The following TNRC6B variants were observed in gnomAD, a reference collection of about 807,000 sequenced individuals.
TNRC6B encodes trinucleotide repeat-containing gene 6B protein.
Under a neutral mutation model 203.6 loss-of-function variants are expected in TNRC6B, and 52 were observed. The observed-to-expected ratio is 0.26, with a 90% CI of 0.20 to 0.32. The LOEUF (loss-of-function observed/expected upper bound fraction) is 0.32. TNRC6B is among the 10% of genes least tolerant of loss of function. The probability of loss-of-function intolerance (pLI) is 1.00; values close to 1 mark genes in which losing one functional copy is unlikely to be tolerated. For missense variants in TNRC6B, 1,923 were observed against 2,286.2 expected (o/e 0.84, Z 3.24); for synonymous variants, 838 against 845.7 (o/e 0.99, Z 0.16).
intron 3 of TNRC6B, among the ~76,000 whole-genome samples, chr22:40,146,666 TCTC>T (rs2068698269): frequency 6.6e-6 from 1 of 151,388 alleles, no homozygotes; most frequent in Non-Finnish European, 1.5e-5. Context: ...CCCTAGCAGT[TCTC>T]CTACCTCAGC....
intron 4 of TNRC6B, among the ~76,000 whole-genome samples, chr22:40,167,143 G>A (rs2068927038): frequency 6.6e-6 from 1 of 152,218 alleles, no homozygotes; most frequent in Middle Eastern, 3.4e-3. Context: ...GTACATTGAT[G>A]GTTAACATTA....
chr22:40,050,423 A>G (rs1194165665), intron 1 of TNRC6B, among the ~76,000 whole-genome samples: 1 of 152,000 alleles, frequency 6.6e-6, no homozygotes, highest in Non-Finnish European at 1.5e-5. Flanking sequence ...AGTTCCTCAA[A>G]TTGCCCAAGC....
chr22:40,156,150 C>G (rs1485725489), exon 4 of TNRC6B: 5 of 1,581,126 alleles, frequency 3.2e-6, no homozygotes, highest in Non-Finnish European at 4.3e-6. Context: ...AAGGGCATGG[C>G]AAGACTCCAC....
Position 40,333,047 on chromosome 22 carries a change from T to C in TNRC6B, c.*9806T>C, listed in dbSNP as rs1283339916. ...CCCACACAGTGACAGCAGACCAGTA[T>C]GTAAACCCTGTCTTGGCTGGGCGCG... On this transcript the variant is annotated 3_prime_UTR_variant, in exon 23 of 23. Coordinates refer to ENST00000454349, the MANE Select transcript of TNRC6B (RefSeq NM_001162501.2). The C allele has an allele frequency of 6.6e-6, 1 of 152,256 alleles. No homozygotes were observed. Among genetic ancestry groups the C allele is most frequent in the Non-Finnish European group, 1.5e-5 (1 of 68,082 alleles). 9.4% of individuals were successfully genotyped at this position (152,256 alleles called of 1,614,324 possible).
At chr22:40,162,471 T>C (rs2068879553) in intron 4 of TNRC6B, among the ~76,000 whole-genome samples, 1 of 152,214 alleles carries the variant, frequency 6.6e-6, no homozygotes, top group African/African-American at 2.4e-5. Context: ...TTTTGGGTGT[T>C]TATTTAAAAA....
At chr22:40,299,306 C>T (rs2070991283) in intron 12 of TNRC6B, among the ~76,000 whole-genome samples, 1 of 149,742 alleles carries the variant, frequency 6.7e-6, no homozygotes, top group Non-Finnish European at 1.5e-5. Context: ...ATGGCACCAT[C>T]TTGGCTCACC....
chr22:40,082,448 A>G (rs2068070142), intron 1 of TNRC6B, among the ~76,000 whole-genome samples: 1 of 152,218 alleles, frequency 6.6e-6, no homozygotes, highest in Non-Finnish European at 1.5e-5. Flanking sequence ...GGGCTGTATT[A>G]GAGTGAGGAA....
chr22:40,217,064 A>T (rs985028465), intron 1 of TNRC6B, among the ~76,000 whole-genome samples: 2 of 151,936 alleles, frequency 1.3e-5, no homozygotes, highest in Non-Finnish European at 2.9e-5. Flanking sequence ...CCTTTCCTCT[A>T]AGTCATCTGC....
intron 1 of TNRC6B, among the ~76,000 whole-genome samples, chr22:40,226,958 G>GTA (rs1474839737): frequency 6.6e-6 from 1 of 152,018 alleles, no homozygotes; most frequent in Non-Finnish European, 1.5e-5. Context: ...CACCTAGGCT[G>GTA]TAGTGCAGTG....
intron 6 of TNRC6B, among the ~76,000 whole-genome samples, chr22:40,272,596 C>A (rs889757110): frequency 1.3e-5 from 2 of 152,138 alleles, no homozygotes; most frequent in Non-Finnish European, 2.9e-5. Flanking sequence ...ATTTTTACTG[C>A]AAAGTATGTT....
intron 3 of TNRC6B, among the ~76,000 whole-genome samples, chr22:40,152,272 G>A (rs770481831): frequency 1.1e-4 from 16 of 152,258 alleles, no homozygotes; most frequent in Admixed American, 2.6e-4. Flanking sequence ...AGAAGACAAC[G>A]GAGCATCACC....
chr22:40,056,613 GTGAGACCCCCAT>G (rs1224499055), intron 1 of TNRC6B, among the ~76,000 whole-genome samples: 1 of 151,976 alleles, frequency 6.6e-6, no homozygotes, highest in African/African-American at 2.4e-5. Flanking sequence ...GAGCAACATA[GTGAGACCCCCAT>G]CTCTACAAAA....
chr22:40,279,967 T>C (rs2070702207), intron 9 of TNRC6B, 28 bp from the exon 10 acceptor site: 1 of 1,611,806 alleles, frequency 6.2e-7, no homozygotes, highest in African/African-American at 1.3e-5. Context: ...ATTCTGGAAA[T>C]TTTCACTCTG....
intron 3 of TNRC6B, among the ~76,000 whole-genome samples, chr22:40,143,527 T>C (rs1354192419): frequency 6.6e-6 from 1 of 152,150 alleles, no homozygotes; most frequent in East Asian, 1.9e-4. Flanking sequence ...TCTCGCTCTG[T>C]CACCCAGGCT....
intron 7 of TNRC6B, 54 bp from the exon 8 acceptor site, chr22:40,277,023 C>T: frequency 7.0e-7 from 1 of 1,418,624 alleles, no homozygotes; most frequent in South Asian, 1.4e-5. Flanking sequence ...TAATAAAACT[C>T]AGGAGGCTGA....
At chr22:40,125,712 GA>G (rs1372786360) in intron 2 of TNRC6B, 39 of 1,323,496 alleles carry the variant, frequency 2.9e-5, no homozygotes, top group Admixed American at 8.5e-5. Context: ...CTAAACCTTT[GA>G]AAAAAAAATT....
intron 4 of TNRC6B, among the ~76,000 whole-genome samples, chr22:40,170,224 G>A (rs1569005736): frequency 6.8e-6 from 1 of 146,744 alleles, no homozygotes; most frequent in Non-Finnish European, 1.5e-5. Context: ...GCTGTGGTGA[G>A]CCATGTTCGT....
intron 3 of TNRC6B, among the ~76,000 whole-genome samples, chr22:40,136,046 A>G (rs1000382716): frequency 6.6e-6 from 1 of 152,218 alleles, no homozygotes; most frequent in South Asian, 2.1e-4. Flanking sequence ...AGTAGATCCC[A>G]TAGAAGGTCA....
intron 11 of TNRC6B, among the ~76,000 whole-genome samples, chr22:40,283,028 TTTTATTTATTTA>T (rs1043937912): frequency 6.6e-6 from 1 of 151,224 alleles, no homozygotes; most frequent in Non-Finnish European, 1.5e-5. Context: ...ATTTTTTATT[TTTTATTTATTTA>T]TTTATTTATT....
Sources: allele counts gnomAD v4.1 joint callset (sites outside exome capture counted in the v4.1 genomes callset), GRCh38; gene constraint gnomAD v4.1.1; transcripts MANE v1.5; gene names NCBI Gene and HGNC (gene_info 2026-07-23, HGNC 2026-07-21).